HECW1: variants seen among roughly 807,000 people sequenced by gnomAD.
HECW1 encodes the protein HECT, C2 and WW domain containing E3 ubiquitin protein ligase 1.
HECW1 carries 61 observed loss-of-function variants against 182.3 expected under a neutral mutation model. The ratio of observed to expected loss-of-function variants is 0.33; its 90% CI spans 0.27 to 0.41. The LOEUF (loss-of-function observed/expected upper bound fraction) is 0.41. HECW1 is among the 10% of genes least tolerant of loss of function. HECW1 has a pLI of 1.00. For synonymous variants in HECW1, 859 were observed against 832.6 expected (o/e 1.03, Z -0.55); for missense variants, 1,739 against 2,108.9 (o/e 0.82, Z 3.44).
intron 19 of HECW1, among the ~76,000 whole-genome samples, chr7:43,496,929 T>G (rs962887557): frequency 6.6e-6 from 1 of 152,230 alleles, no homozygotes; most frequent in Non-Finnish European, 1.5e-5. Flanking sequence ...GGGCTATGTA[T>G]GCAGTAGCAA....
intron 6 of HECW1, among the ~76,000 whole-genome samples, chr7:43,376,006 C>CAT (rs958987916): frequency 7.7e-4 from 113 of 147,162 alleles, no homozygotes; most frequent in African/African-American, 1.8e-3. Flanking sequence ...TATATATAAT[C>CAT]ATATATATAT....
intron 6 of HECW1, among the ~76,000 whole-genome samples, chr7:43,363,451 AT>A (rs1221532180): frequency 1.3e-5 from 2 of 152,072 alleles, no homozygotes; most frequent in Non-Finnish European, 2.9e-5. Context: ...TGTCACCCTG[AT>A]TTTTATCTCC....
rs764187219 is a variant in HECW1, at chr7:43,561,864, T to C, written c.4759T>C (p.Ser1587Pro). Residue 1587 changes from serine (S) to proline (P), a missense_variant, in exon 30 of 30, where the codon TCC becomes CCC. By Grantham distance (74) the Ser-to-Pro change is moderately conservative. Transcript: ENST00000395891. ...GGATCTTCCACCGTATCCCTCGTACTCCATGTTGTATGAAAAGCTGTTAAC... is the reference window on the plus strand; with the variant it reads ...GGATCTTCCACCGTATCCCTCGTACCCCATGTTGTATGAAAAGCTGTTAAC... Reference protein sequence around the residue: ...RLDLPPYPSYSMLYEKLLTAV... With the variant: ...RLDLPPYPSYPMLYEKLLTAV... The C allele has an allele frequency of 6.2e-7, 1 of 1,613,978 alleles. No individual in the cohort carries two copies. The highest frequency in any genetic ancestry group is 8.5e-7 in the Non-Finnish European group (1 of 1,179,964).
At chr7:43,350,865 G>A (rs1814340359) in intron 5 of HECW1, among the ~76,000 whole-genome samples, 1 of 152,098 alleles carries the variant, frequency 6.6e-6, no homozygotes, top group Non-Finnish European at 1.5e-5. Context: ...TCTTTTTCAG[G>A]TAAATCAGGG....
chr7:43,363,367 T>A (rs1298335612), intron 6 of HECW1, among the ~76,000 whole-genome samples: 1 of 152,214 alleles, frequency 6.6e-6, no homozygotes, highest in Non-Finnish European at 1.5e-5. Context: ...CCTGACCTCA[T>A]CTTTGTCATT....
At chr7:43,448,051 C>A (rs770933305) in intron 11 of HECW1, among the ~76,000 whole-genome samples, 1 of 152,032 alleles carries the variant, frequency 6.6e-6, no homozygotes, top group Non-Finnish European at 1.5e-5. Context: ...AGGAGAATCA[C>A]TTGAACCCAG....
intron 13 of HECW1, among the ~76,000 whole-genome samples, chr7:43,461,513 T>C (rs1160980196): frequency 1.3e-5 from 2 of 152,212 alleles, no homozygotes; most frequent in East Asian, 3.8e-4. Context: ...AGCAGCTGCC[T>C]TAGTCTTTGG....
intron 28 of HECW1, 94 bp downstream of exon 28, chr7:43,552,430 T>C: frequency 1.2e-6 from 1 of 832,198 alleles, no homozygotes; most frequent in African/African-American, 1.7e-5. Flanking sequence ...TGATGTAAAA[T>C]AAAATTGACT....
chr7:43,541,925 A>C lies in HECW1; in HGVS notation c.4175A>C (p.Gln1392Pro). Reference protein sequence around the residue: ...YLDEEFHQSLQWMKDNNITDI... With the variant: ...YLDEEFHQSLPWMKDNNITDI... Reference sequence around the variant, plus strand: ...GATGAGGAATTCCACCAGAGTTTGCAGTGGATGAAGGACAACAACATCACA... The same window carrying C: ...GATGAGGAATTCCACCAGAGTTTGCCGTGGATGAAGGACAACAACATCACA... The change falls in exon 26 of 30, where the codon CAG becomes CCG. Residue 1392 changes from glutamine to proline, a missense_variant. This residue lies in a region of HECW1 where 420 missense variants were observed against 595.7 expected (regional missense o/e 0.71). Coordinates refer to ENST00000395891, the MANE Select transcript of HECW1 (RefSeq NM_015052.5). 1 of 1,562,654 alleles carries C rather than the reference A, an allele frequency of 6.4e-7. No individual in the cohort carries two copies.
intron 2 of HECW1, among the ~76,000 whole-genome samples, chr7:43,219,139 A>G (rs1584026668): frequency 6.6e-6 from 1 of 152,182 alleles, no homozygotes; most frequent in East Asian, 1.9e-4. Context: ...ATGATGTTCT[A>G]CACATGTGGG....
In HECW1 at chr7:43,189,043, G is replaced by A. The variant is rs767079097; in HGVS notation, c.-31-54832G>A. Among the ~76,000 whole-genome samples the A allele has an allele frequency of 2.6e-5, 4 of 152,198 alleles. 1 individual carries two copies. Among genetic ancestry groups the A allele is most frequent in the South Asian group, 4.1e-4 (2 of 4,820 alleles). ...GGCGCACTCGGCTAATCTTACACTCGTTCGCTTCCTTTCTCACGGTTGAGT... is the reference window on the plus strand; with the variant it reads ...GGCGCACTCGGCTAATCTTACACTCATTCGCTTCCTTTCTCACGGTTGAGT... On this transcript the variant is annotated intron_variant, in intron 2 of 29. Transcript: ENST00000395891.
intron 2 of HECW1, among the ~76,000 whole-genome samples, chr7:43,234,085 A>C (rs1798101396): frequency 6.6e-6 from 1 of 152,214 alleles, no homozygotes; most frequent in Non-Finnish European, 1.5e-5. Context: ...AAACAAGCAA[A>C]AGGTTATCCA....
chr7:43,289,088 T>C (rs1805037618), intron 3 of HECW1, among the ~76,000 whole-genome samples: 1 of 148,828 alleles, frequency 6.7e-6, no homozygotes, highest in South Asian at 2.1e-4. Flanking sequence ...GAGTGCCATC[T>C]CCAACACTTT....
chr7:43,543,963 A>G (rs1334956307), intron 26 of HECW1, among the ~76,000 whole-genome samples: 1 of 152,164 alleles, frequency 6.6e-6, no homozygotes, highest in Non-Finnish European at 1.5e-5. Flanking sequence ...AAACTGTATT[A>G]AGACAACTGG....
chr7:43,507,456 G>A (rs76916583), intron 22 of HECW1, among the ~76,000 whole-genome samples, 199 bp downstream of exon 22: 2 of 152,306 alleles, frequency 1.3e-5, no homozygotes, highest in African/African-American at 2.4e-5. Context: ...GAAGCAGGAA[G>A]AGAAGGTAAG....
chr7:43,378,321 A>C (rs1212060736), intron 6 of HECW1, among the ~76,000 whole-genome samples: 1 of 152,218 alleles, frequency 6.6e-6, no homozygotes, highest in Non-Finnish European at 1.5e-5. Context: ...CTGGATGAGG[A>C]GAGAGGAGAG....
chr7:43,469,410 A>T (rs562616260), intron 16 of HECW1, among the ~76,000 whole-genome samples: 11 of 152,046 alleles, frequency 7.2e-5, no homozygotes, highest in African/African-American at 9.6e-5. Flanking sequence ...CATTTTTTTT[A>T]AATTTAGGTT....
intron 3 of HECW1, among the ~76,000 whole-genome samples, chr7:43,298,854 T>C (rs1166474108): frequency 6.6e-6 from 1 of 152,194 alleles, no homozygotes; most frequent in East Asian, 1.9e-4. Context: ...CGAGGCTCCT[T>C]TCACAGCTCT....
intron 9 of HECW1, among the ~76,000 whole-genome samples, chr7:43,442,043 C>T (rs539831721): frequency 2.1e-4 from 32 of 152,356 alleles, no homozygotes; most frequent in Admixed American, 1.5e-3. Flanking sequence ...ACGATACTTT[C>T]GTGAAGCTGG....
Sources: allele counts gnomAD v4.1 joint callset (sites outside exome capture counted in the v4.1 genomes callset), GRCh38; gene constraint gnomAD v4.1.1; regional missense constraint gnomAD v4.1.1; transcripts MANE v1.5; gene names NCBI Gene and HGNC (gene_info 2026-07-23, HGNC 2026-07-21).